The following TRPM3 variants were observed in gnomAD, a reference collection of about 807,000 sequenced individuals.
TRPM3 encodes long transient receptor potential channel 3.
In TRPM3, 77 loss-of-function variants were observed where a neutral mutation model predicts 181.2. The ratio of observed to expected loss-of-function variants is 0.42; its 90% CI spans 0.35 to 0.51. The LOEUF (loss-of-function observed/expected upper bound fraction) is 0.51. Ranked by LOEUF, TRPM3 falls within the 20% of genes least tolerant of loss-of-function variation. The pLI, the probability that TRPM3 is intolerant of heterozygous loss-of-function variation, is 0.01. For missense variants in TRPM3, 1,759 were observed against 2,196.7 expected (o/e 0.80, Z 3.98); for synonymous variants, 745 against 796.4 (o/e 0.94, Z 1.09).
Position 70,538,465 on chromosome 9 carries a change from G to C in TRPM3, c.3708-1060C>G, listed in dbSNP as rs567578378. Among the ~76,000 whole-genome samples the C allele has an allele frequency of 1.6e-4, 24 of 152,120 alleles. 1 individual carries two copies. The highest frequency in any genetic ancestry group is 5.8e-4 in the African/African-American group (24 of 41,494). ...TTTGTTTGAGACAAGGTCTCACTCTGTTACTTAGGCTGAAGTGCAATGGTG... is the reference window on the plus strand; with the variant it reads ...TTTGTTTGAGACAAGGTCTCACTCTCTTACTTAGGCTGAAGTGCAATGGTG... On this transcript the variant is annotated intron_variant, in intron 25 of 25. Coordinates refer to ENST00000677713, the MANE Select transcript of TRPM3 (RefSeq NM_001366145.2).
At chr9:70,612,251 C>G (rs192370393) in intron 18 of TRPM3, among the ~76,000 whole-genome samples, 3 of 152,310 alleles carry the variant, frequency 2.0e-5, no homozygotes, top group Admixed American at 6.5e-5. Context: ...TTCTTCAGTA[C>G]TGTTCTAACA....
intron 1 of TRPM3, among the ~76,000 whole-genome samples, chr9:71,108,789 G>A (rs2070352674): frequency 6.6e-6 from 1 of 152,120 alleles, no homozygotes; most frequent in African/African-American, 2.4e-5. Flanking sequence ...TAACTTTAGA[G>A]GAAAATTTTT....
intron 1 of TRPM3, among the ~76,000 whole-genome samples, chr9:71,038,106 C>G (rs2058421567): frequency 6.6e-6 from 1 of 152,196 alleles, no homozygotes; most frequent in Admixed American, 6.5e-5. Flanking sequence ...GTGACAGAGT[C>G]TAAAGTGTTT....
At chr9:70,796,604 A>G (rs898914305) in intron 6 of TRPM3, among the ~76,000 whole-genome samples, 7 of 152,174 alleles carry the variant, frequency 4.6e-5, no homozygotes, top group African/African-American at 1.7e-4. Context: ...TCCTTTATAA[A>G]TTTGTCAATC....
In TRPM3 at chr9:71,194,207, C is replaced by CACTA. The variant is rs2078202586; in HGVS notation, c.183+252445_183+252446insTAGT. Among the ~76,000 whole-genome samples, 5 of 151,848 alleles carry CACTA rather than the reference C, an allele frequency of 3.3e-5. No homozygotes were observed. In the South Asian group the frequency reaches 1.0e-3, roughly 32 times the overall value. ...GAAATTTTCATTAAGTGTTTGATGGCTCTTTCTAATAGTTTAGGGTTTCTC... is the reference window on the plus strand; with the variant it reads ...GAAATTTTCATTAAGTGTTTGATGGCACTATCTTTCTAATAGTTTAGGGTTTCTC... On this transcript the variant is annotated intron_variant, in intron 1 of 24. Transcript: ENST00000357533.
intron 18 of TRPM3, among the ~76,000 whole-genome samples, chr9:70,613,057 A>T (rs1469816627): frequency 6.6e-6 from 1 of 152,212 alleles, no homozygotes; most frequent in Non-Finnish European, 1.5e-5. Flanking sequence ...TCAAAACAAA[A>T]GCAAAAACCT....
chr9:71,400,682 A>G (rs1013708954), intron 1 of TRPM3, among the ~76,000 whole-genome samples: 2 of 152,160 alleles, frequency 1.3e-5, no homozygotes, highest in African/African-American at 4.8e-5. Flanking sequence ...GCCATAGTTT[A>G]CTATTACTGG....
chr9:71,282,061 G>GAGAAGGAA (rs1220911334), intron 1 of TRPM3, among the ~76,000 whole-genome samples: 6 of 85,370 alleles, frequency 7.0e-5, no homozygotes, highest in African/African-American at 9.8e-5. Flanking sequence ...AACAGAAAGA[G>GAGAAGGAA]AGAAAGAAAG....
intron 1 of TRPM3, among the ~76,000 whole-genome samples, chr9:70,882,320 T>C (rs773943504): frequency 9.9e-5 from 15 of 152,150 alleles, no homozygotes; most frequent in Non-Finnish European, 1.8e-4. Context: ...AATCAGATGG[T>C]AGAAAATGCT....
chr9:70,682,620 T>A (rs2065761459), intron 8 of TRPM3, among the ~76,000 whole-genome samples: 1 of 152,074 alleles, frequency 6.6e-6, no homozygotes, highest in Admixed American at 6.5e-5. Context: ...ACAACATAGT[T>A]ATGTGGCCTC....
chr9:71,137,373 G>C (rs1297038306), intron 1 of TRPM3, among the ~76,000 whole-genome samples: 1 of 152,112 alleles, frequency 6.6e-6, no homozygotes, highest in Non-Finnish European at 1.5e-5. Flanking sequence ...AGCTTAATAA[G>C]TATCAAGTAA....
intron 1 of TRPM3, among the ~76,000 whole-genome samples, chr9:71,136,004 A>G (rs1282527775): frequency 6.6e-6 from 1 of 152,250 alleles, no homozygotes; most frequent in Non-Finnish European, 1.5e-5. Context: ...GTGTGATTTA[A>G]TTAACATCAA....
At chr9:71,081,551 T>C (rs1269468405) in intron 1 of TRPM3, among the ~76,000 whole-genome samples, 1 of 152,166 alleles carries the variant, frequency 6.6e-6, no homozygotes, top group Non-Finnish European at 1.5e-5. Flanking sequence ...CAGGAAAAGA[T>C]TTGCAAGATG....
intron 22 of TRPM3, among the ~76,000 whole-genome samples, chr9:70,585,853 T>C (rs1278728033): frequency 1.3e-5 from 2 of 152,194 alleles, no homozygotes; most frequent in Admixed American, 6.5e-5. Context: ...ATCTTGATCA[T>C]GGTACTATTC....
chr9:71,301,920 C>T (rs1413826211), intron 1 of TRPM3, among the ~76,000 whole-genome samples: 1 of 152,100 alleles, frequency 6.6e-6, no homozygotes, highest in African/African-American at 2.4e-5. Context: ...GATTTACCCT[C>T]AAGAGGTTGT....
chr9:71,016,157 A>T (rs974057821), intron 1 of TRPM3, among the ~76,000 whole-genome samples: 2 of 141,260 alleles, frequency 1.4e-5, no homozygotes, highest in South Asian at 2.3e-4. Flanking sequence ...AAAAAAAAAA[A>T]TTCTGAAGAT....
chr9:70,994,825 G>A (rs1432414645), intron 1 of TRPM3, among the ~76,000 whole-genome samples: 1 of 152,270 alleles, frequency 6.6e-6, no homozygotes, highest in East Asian at 1.9e-4. Flanking sequence ...CAGCCTCTTT[G>A]GATGTCAGAA....
intron 1 of TRPM3, among the ~76,000 whole-genome samples, chr9:70,892,499 A>T (rs984916906): frequency 2.0e-5 from 3 of 151,924 alleles, no homozygotes; most frequent in Non-Finnish European, 2.9e-5. Context: ...GTGGTTTAAC[A>T]TAATTTAATT....
At chr9:70,619,228 T>C (rs1194107068) in intron 16 of TRPM3, 133 bp from the exon 17 acceptor site, 1 of 692,336 alleles carries the variant, frequency 1.4e-6, no homozygotes, top group South Asian at 1.7e-5. Context: ...CTAGTCTGTT[T>C]GTAAATTCAT....
Sources: gnomAD v4.1 joint callset for allele counts (sites outside exome capture counted in the v4.1 genomes callset) on GRCh38, gnomAD v4.1.1 for gene constraint, MANE v1.5 for transcripts, NCBI Gene and HGNC (gene_info 2026-07-23, HGNC 2026-07-21) for gene names.